The following CMIP variants were observed in gnomAD, a reference collection of about 807,000 sequenced individuals.
The protein encoded by CMIP is C-Maf-inducing protein.
In CMIP, 13 loss-of-function variants were observed where a neutral mutation model predicts 97.3. The observed-to-expected ratio is 0.13, with a 90% confidence interval of 0.09 to 0.21. The LOEUF (loss-of-function observed/expected upper bound fraction) is 0.21. Among genes scored for constraint, CMIP ranks in the 10% least tolerant of loss-of-function variants. CMIP has a pLI of 1.00. For missense variants in CMIP, 847 were observed against 1,024.9 expected (o/e 0.83, Z 2.37); for synonymous variants, 538 against 436.3 (o/e 1.23, Z -2.91).
In CMIP at chr16:81,708,309, C is replaced by T. The variant is rs1225199790; in HGVS notation, c.2268+1225C>T. Among the ~76,000 whole-genome samples the T allele has an allele frequency of 4.6e-5, 7 of 152,224 alleles. No homozygotes were observed. In the South Asian group the frequency reaches 6.2e-4, roughly 13 times the overall value. On this transcript the variant is annotated intron_variant, in intron 20 of 20. Transcript: ENST00000537098. ...GCAGACCAGCACCCTCGGCACCACTCGGGGGCCAACAGAAATGCAGGATCC... is the reference window on the plus strand; with the variant it reads ...GCAGACCAGCACCCTCGGCACCACTTGGGGGCCAACAGAAATGCAGGATCC...
chr16:81,696,789 G>C, intron 14 of CMIP, 122 bp downstream of exon 14: 1 of 830,666 alleles, frequency 1.2e-6, no homozygotes, highest in Non-Finnish European at 1.8e-6. Flanking sequence ...CTAACACAGT[G>C]CTGATCATGA....
At chr16:81,698,688 A>C (rs1333800024) in intron 14 of CMIP, among the ~76,000 whole-genome samples, 1 of 152,126 alleles carries the variant, frequency 6.6e-6, no homozygotes, top group South Asian at 2.1e-4. Flanking sequence ...TTGTAACACA[A>C]CCATCACCAC....
At chr16:81,486,281 A>G (rs1365390972) in intron 1 of CMIP, among the ~76,000 whole-genome samples, 1 of 152,170 alleles carries the variant, frequency 6.6e-6, no homozygotes, top group East Asian at 1.9e-4. Flanking sequence ...TTCAGAGACA[A>G]ACATGCGCAC....
intron 1 of CMIP, among the ~76,000 whole-genome samples, chr16:81,536,381 C>T (rs2090343118): frequency 6.6e-6 from 1 of 152,118 alleles, no homozygotes; most frequent in African/African-American, 2.4e-5. Flanking sequence ...CTATTCGGTA[C>T]CTCTCTCACC....
intron 2 of CMIP, chr16:81,620,588 G>T (rs1183511111): frequency 8.2e-5 from 29 of 355,514 alleles, no homozygotes; most frequent in Non-Finnish European, 1.5e-4. Context: ...AGCTGTGTGT[G>T]CAGTTAAAGC....
intron 1 of CMIP, among the ~76,000 whole-genome samples, chr16:81,549,786 C>T (rs1238648324): frequency 6.6e-6 from 1 of 152,242 alleles, no homozygotes; most frequent in Non-Finnish European, 1.5e-5. Context: ...GCTGGTTCCT[C>T]TGAAGGCAAC....
At chr16:81,698,069 CGA>C (rs1158723971) in intron 14 of CMIP, 1 of 149,716 alleles carries the variant, frequency 6.7e-6, no homozygotes, top group Admixed American at 6.7e-5. Context: ...CTTCCCAGCC[CGA>C]GAGATTGCAT....
intron 3 of CMIP, among the ~76,000 whole-genome samples, chr16:81,642,470 G>A (rs1597184490): frequency 6.6e-6 from 1 of 152,146 alleles, no homozygotes; most frequent in South Asian, 2.1e-4. Context: ...GTAAATTGGG[G>A]TCCCCTAAAA....
intron 1 of CMIP, among the ~76,000 whole-genome samples, chr16:81,528,678 C>G (rs564094541): frequency 6.6e-6 from 1 of 152,304 alleles, no homozygotes; most frequent in African/African-American, 2.4e-5. Flanking sequence ...TGACTTAGCA[C>G]AAATGATGCC....
At chr16:81,604,890 C>G (rs745352947) in intron 1 of CMIP, among the ~76,000 whole-genome samples, 20 of 152,080 alleles carry the variant, frequency 1.3e-4, no homozygotes, top group Non-Finnish European at 2.8e-4. Context: ...TGAAAGTTGC[C>G]TTTATTTTTG....
chr16:81,525,977 CGTGTGTGTGTGT>C (rs57103908), intron 1 of CMIP, among the ~76,000 whole-genome samples: 8 of 149,952 alleles, frequency 5.3e-5, no homozygotes, highest in Admixed American at 2.7e-4. Flanking sequence ...ACTAATAATA[CGTGTGTGTGTGT>C]GTGTGTGTGT....
chr16:81,530,899 G>C (rs1368664200), intron 1 of CMIP, among the ~76,000 whole-genome samples: 3 of 152,136 alleles, frequency 2.0e-5, no homozygotes, highest in Non-Finnish European at 4.4e-5. Context: ...TTGGAAAAGC[G>C]AGCCCTGAGT....
At chr16:81,454,267 T>C (rs1300073613) in intron 1 of CMIP, among the ~76,000 whole-genome samples, 1 of 152,076 alleles carries the variant, frequency 6.6e-6, no homozygotes, top group East Asian at 1.9e-4. Context: ...TCCTGTGGGG[T>C]AGGTGTTTAT....
intron 1 of CMIP, among the ~76,000 whole-genome samples, chr16:81,473,801 C>A (rs1245978318): frequency 2.0e-5 from 3 of 149,362 alleles, no homozygotes; most frequent in South Asian, 2.1e-4. Context: ...TTTACTTGGC[C>A]CACACAGTGG....
chr16:81,473,462 C>T (rs1292477346), intron 1 of CMIP, among the ~76,000 whole-genome samples: 1 of 150,292 alleles, frequency 6.7e-6, no homozygotes, highest in East Asian at 1.9e-4. Context: ...TTCTTTTTCC[C>T]TTTCTTCTTC....
At chr16:81,494,162 G>A (rs1343305140) in intron 1 of CMIP, among the ~76,000 whole-genome samples, 3 of 152,154 alleles carry the variant, frequency 2.0e-5, no homozygotes, top group African/African-American at 7.2e-5. Context: ...AGTCACCGGG[G>A]GAATCGGGGG....
At chr16:81,500,101 CCTCA>C (rs2089569364) in intron 1 of CMIP, among the ~76,000 whole-genome samples, 1 of 152,222 alleles carries the variant, frequency 6.6e-6, no homozygotes, top group Non-Finnish European at 1.5e-5. Flanking sequence ...TCTTTCCCTC[CCTCA>C]CTCTGTGTCC....
intron 1 of CMIP, among the ~76,000 whole-genome samples, chr16:81,459,248 C>A (rs1226124895): frequency 6.6e-6 from 1 of 152,198 alleles, no homozygotes; most frequent in Non-Finnish European, 1.5e-5. Flanking sequence ...GGGACCTTGG[C>A]ATCCAGGCTG....
intron 1 of CMIP, among the ~76,000 whole-genome samples, chr16:81,516,451 G>A (rs994339636): frequency 6.6e-6 from 1 of 152,120 alleles, no homozygotes; most frequent in African/African-American, 2.4e-5. Context: ...CTGCAGATAC[G>A]TGCCGTGTTC....
Sources: allele counts gnomAD v4.1 joint callset (sites outside exome capture counted in the v4.1 genomes callset), GRCh38; gene constraint gnomAD v4.1.1; transcripts MANE v1.5; gene names NCBI Gene and HGNC (gene_info 2026-07-23, HGNC 2026-07-21).